Variants in GRHL1 observed in about 807,000 individuals in gnomAD.
GRHL1 encodes grainyhead-like protein 1 homolog.
GRHL1 carries 38 observed loss-of-function variants against 75.7 expected under a neutral mutation model. That is an observed-to-expected ratio of 0.50 (90% CI 0.39 to 0.66). The LOEUF is 0.66. Ranked by LOEUF, GRHL1 falls within the 30% of genes least tolerant of loss-of-function variation. GRHL1 has a pLI of 0.00. For synonymous variants in GRHL1, 266 were observed against 279.4 expected, an observed-to-expected ratio of 0.95 and a Z score of 0.48; for missense variants, 589 against 767.5, an observed-to-expected ratio of 0.77 and a Z score of 2.75.
intron 14 of GRHL1, 129 bp downstream of exon 14, chr2:9,996,530 G>A (rs1455672950): frequency 1.5e-5 from 10 of 688,352 alleles, no homozygotes; most frequent in African/African-American, 7.1e-5. Flanking sequence ...CACCTTTCTC[G>A]AGTCGTCGTG....
rs750965923 is a variant in GRHL1 at position 9,951,800 on chromosome 2, C to T, written c.-34C>T. The T allele has an allele frequency of 3.9e-6, 6 of 1,525,816 alleles. No individual in the cohort carries two copies. Among genetic ancestry groups the T allele is most frequent in the Non-Finnish European group, 3.5e-6 (4 of 1,135,080 alleles). 94.5% of individuals were successfully genotyped at this position (1,525,816 alleles called of 1,614,324 possible). A position where few individuals can be genotyped will look rare whatever the true frequency, so the allele number is the denominator to read the frequency against. ...GGTGTACTGTCCCAACCCGAAAGTCCAGTTCTGCGGCCCGGCAGCGGCGAG... is the reference window on the plus strand; with the variant it reads ...GGTGTACTGTCCCAACCCGAAAGTCTAGTTCTGCGGCCCGGCAGCGGCGAG... On this transcript the variant is annotated 5_prime_UTR_variant, in exon 1 of 16. Transcript: ENST00000324907. This position sits in a 1 kb window ranked among gnomAD's most constrained non-coding sequence, Gnocchi z 4.2.
intron 8 of GRHL1, among the ~76,000 whole-genome samples, chr2:9,979,098 T>TGCAGTGAG (rs1344148906): frequency 7.6e-6 from 1 of 130,906 alleles, no homozygotes; most frequent in Non-Finnish European, 1.5e-5. Context: ...AGGTGGAGGT[T>TGCAGTGAG]GCAGTGAGCC....
chr2:9,989,084 G>A (rs1223878958), intron 9 of GRHL1, among the ~76,000 whole-genome samples: 1 of 152,116 alleles, frequency 6.6e-6, no homozygotes, highest in East Asian at 1.9e-4. Context: ...CTGTGTCAGG[G>A]AGGGACTGTT....
At chr2:9,984,769 T>C (rs971896213) in intron 8 of GRHL1, among the ~76,000 whole-genome samples, 1 of 151,992 alleles carries the variant, frequency 6.6e-6, no homozygotes, top group Non-Finnish European at 1.5e-5. Flanking sequence ...TCTTTAAATA[T>C]TGTTCTTGTG....
At chr2:9,964,153 T>TTAAA in intron 6 of GRHL1, 82 bp from the exon 7 acceptor site, 1 of 1,323,106 alleles carries the variant, frequency 7.6e-7, no homozygotes, top group Non-Finnish European at 1.1e-6. Flanking sequence ...AAGCCTTCAC[T>TTAAA]GTAAAATATA....
At position 9,998,675 on chromosome 2, in the gene GRHL1, T is replaced by TAC. The variant is rs1452097144; in HGVS notation, c.1678-289_1678-288insCA. Among the ~76,000 whole-genome samples, 10 of 72,170 alleles carry TAC rather than the reference T, an allele frequency of 1.4e-4. 2 individuals are homozygous for TAC. The highest frequency in any genetic ancestry group is 4.0e-4 in the South Asian group (1 of 2,474). The allele number at this position is 72,170 out of a possible 152,430, so 47.3% of individuals were successfully genotyped here. ...ACATATACATATATATGTACACATA[T>TAC]ATATACATATATATGTACACACATA... On this transcript the variant is annotated intron_variant, in intron 14 of 15. Coordinates refer to ENST00000324907, the MANE Select transcript of GRHL1 (RefSeq NM_198182.3).
rs1402752175 is a variant in GRHL1 at position 9,990,149 on chromosome 2, AT to A, written c.1270-543del. 6.6e-6 allele frequency among the ~76,000 whole-genome samples: 1 copy of A among 150,886 alleles called. No individual in the cohort carries two copies. The highest frequency in any genetic ancestry group is 1.5e-5 in the Non-Finnish European group (1 of 67,800). On this transcript the variant is annotated intron_variant, in intron 9 of 15. Coordinates refer to ENST00000324907, the MANE Select transcript of GRHL1 (RefSeq NM_198182.3). The surrounding 1 kb of genome is among the most constrained non-coding windows in gnomAD (Gnocchi z 4.2). ...ACGACCACATCCATTATAAGGAGAA[AT>A]TTTGCTTTTTTTTTTTGAGACAGAG... is the stretch of plus-strand genomic sequence containing the variant.
At chr2:9,996,676 C>T (rs1296962621) in intron 14 of GRHL1, among the ~76,000 whole-genome samples, 3 of 152,160 alleles carry the variant, frequency 2.0e-5, no homozygotes, top group Non-Finnish European at 4.4e-5. Flanking sequence ...GGGAGATTGC[C>T]ATTTAGCAAG....
chr2:9,981,582 A>G (rs536143533), intron 8 of GRHL1, among the ~76,000 whole-genome samples: 1 of 152,322 alleles, frequency 6.6e-6, no homozygotes, highest in Non-Finnish European at 1.5e-5. Context: ...CTTTTACACT[A>G]TTACTGCAGA....
chr2:9,956,607 C>CT (rs964884204), intron 2 of GRHL1, among the ~76,000 whole-genome samples: 1 of 152,064 alleles, frequency 6.6e-6, no homozygotes, highest in Non-Finnish European at 1.5e-5. Flanking sequence ...GAGGTAAGCT[C>CT]TTTTTTCTTT....
intron 8 of GRHL1, among the ~76,000 whole-genome samples, chr2:9,982,009 G>A (rs1668217457): frequency 6.6e-6 from 1 of 152,178 alleles, no homozygotes; most frequent in African/African-American, 2.4e-5. Context: ...GTGTGTACTT[G>A]TTTATTTTTG....
intron 8 of GRHL1, among the ~76,000 whole-genome samples, chr2:9,979,822 C>T (rs1668117938): frequency 6.6e-6 from 1 of 152,228 alleles, no homozygotes; most frequent in Non-Finnish European, 1.5e-5. Flanking sequence ...TAGCTCCTAA[C>T]TTCACCACTT....
intron 9 of GRHL1, among the ~76,000 whole-genome samples, chr2:9,988,196 T>C (rs1668503250): frequency 6.6e-6 from 1 of 152,206 alleles, no homozygotes; most frequent in African/African-American, 2.4e-5. Flanking sequence ...TCGGAAACCA[T>C]CTGCTCGTTA....
intron 2 of GRHL1, 50 bp downstream of exon 2, chr2:9,955,151 G>C (rs1666959306): frequency 8.3e-7 from 1 of 1,208,602 alleles, no homozygotes; most frequent in African/African-American, 1.5e-5. Context: ...CAATGCACTT[G>C]ATTCAGCAGC....
At position 10,002,021 on chromosome 2, in the gene GRHL1, TCA is replaced by T. The variant is rs1387137206; in HGVS notation, c.*1316_*1317del. 2.6e-5 allele frequency: 4 copies of T among 152,670 alleles called. No homozygotes were observed. The highest frequency in any genetic ancestry group is 9.6e-5 in the African/African-American group (4 of 41,460). The allele number at this position is 152,670 out of a possible 1,614,324, so 9.5% of individuals were successfully genotyped here. On this transcript the variant is annotated 3_prime_UTR_variant, in exon 16 of 16. Coordinates refer to ENST00000324907, the MANE Select transcript of GRHL1 (RefSeq NM_198182.3). The stretch of plus-strand genomic sequence containing the variant: ...TAAAATATGTAATTTTATAACAAAG[TCA>T]CGGGTATCTTTAGGTTCAGGGAACT...
intron 8 of GRHL1, among the ~76,000 whole-genome samples, chr2:9,966,851 G>T (rs377111974): frequency 6.6e-6 from 1 of 152,116 alleles, no homozygotes; most frequent in African/African-American, 2.4e-5. Context: ...GCTTTAGAAG[G>T]GTTTTCCTGC....
At position 9,968,507 on chromosome 2, in the gene GRHL1, T is replaced by G. The variant is rs1667579719; in HGVS notation, c.1110+3126T>G. Among the ~76,000 whole-genome samples the G allele has an allele frequency of 6.6e-6, 1 of 152,244 alleles. No individual in the cohort carries two copies. Among genetic ancestry groups the G allele is most frequent in the African/African-American group, 2.4e-5 (1 of 41,458 alleles). On this transcript the variant is annotated intron_variant, in intron 8 of 15. Coordinates refer to ENST00000324907, the MANE Select transcript of GRHL1 (RefSeq NM_198182.3). This position sits in a 1 kb window ranked among gnomAD's most constrained non-coding sequence, Gnocchi z 4.7. ...GGTTAAAGGCCATGAGGCGTTCACA[T>G]TTCATTGTGAAATAATCAGTATTCT...
At chr2:9,972,275 C>CT (rs1275934643) in intron 8 of GRHL1, among the ~76,000 whole-genome samples, 1 of 148,954 alleles carries the variant, frequency 6.7e-6, no homozygotes, top group Non-Finnish European at 1.5e-5. Context: ...ATAGAACTTT[C>CT]TTTTTTGACA....
At chr2:9,955,876 AAC>A (rs1256186533) in intron 2 of GRHL1, among the ~76,000 whole-genome samples, 2 of 152,226 alleles carry the variant, frequency 1.3e-5, no homozygotes, top group African/African-American at 4.8e-5. Flanking sequence ...TCTGACCAGA[AAC>A]ACACATTTGG....
Sources: gnomAD v4.1 joint callset for allele counts (sites outside exome capture counted in the v4.1 genomes callset) on GRCh38, gnomAD v4.1.1 for gene constraint, Gnocchi (gnomAD v3.1) non-coding constraint, MANE v1.5 for transcripts, NCBI Gene and HGNC (gene_info 2026-07-23, HGNC 2026-07-21) for gene names.